STIM2: variants seen among roughly 807,000 people sequenced by gnomAD.
STIM2 encodes the protein stromal interaction molecule 2.
Under a neutral mutation model 85.8 loss-of-function variants are expected in STIM2, and 31 were observed. That is an observed-to-expected ratio of 0.36 (90% CI 0.27 to 0.49). The LOEUF is 0.49. Ranked by LOEUF, STIM2 falls within the 20% of genes least tolerant of loss-of-function variation. The pLI is 0.98. For missense variants in STIM2, 841 were observed against 927.6 expected (o/e 0.91, Z 1.21); for synonymous variants, 356 against 331.1 (o/e 1.08, Z -0.82).
chr4:26,870,485 T>G (rs1453382580), intron 1 of STIM2, among the ~76,000 whole-genome samples: 3 of 152,348 alleles, frequency 2.0e-5, no homozygotes, highest in East Asian at 1.9e-4. Context: ...AAGTTTTTGT[T>G]ATACATTTGC....
At chr4:26,933,486 C>T (rs900534640) in intron 2 of STIM2, among the ~76,000 whole-genome samples, 2 of 152,066 alleles carry the variant, frequency 1.3e-5, no homozygotes, top group Admixed American at 1.3e-4. Context: ...ATTAGCATTT[C>T]TGATAGCAGC....
At chr4:26,931,849 A>C (rs1316496920) in intron 2 of STIM2, among the ~76,000 whole-genome samples, 2 of 152,252 alleles carry the variant, frequency 1.3e-5, no homozygotes, top group Non-Finnish European at 2.9e-5. Context: ...TTTCTGGAAA[A>C]TAATGGCAAT....
At chr4:26,930,693 A>G (rs895676554) in intron 2 of STIM2, among the ~76,000 whole-genome samples, 2 of 152,160 alleles carry the variant, frequency 1.3e-5, no homozygotes, top group African/African-American at 4.8e-5. Context: ...AATAGGCAAA[A>G]TTAGGATTAG....
At chr4:26,931,221 T>A (rs1725194732) in intron 2 of STIM2, among the ~76,000 whole-genome samples, 1 of 152,148 alleles carries the variant, frequency 6.6e-6, no homozygotes. Flanking sequence ...AATGTGGACG[T>A]CATAATCTTT....
chr4:26,996,433 A>G (rs76600409), intron 4 of STIM2, among the ~76,000 whole-genome samples: 2 of 152,162 alleles, frequency 1.3e-5, no homozygotes, highest in Non-Finnish European at 2.9e-5. Flanking sequence ...GTAATGAAAT[A>G]TATACATTGT....
chr4:26,976,213 G>C (rs1727186000), intron 3 of STIM2, among the ~76,000 whole-genome samples: 2 of 151,928 alleles, frequency 1.3e-5, no homozygotes, highest in Admixed American at 6.6e-5. Flanking sequence ...CGGGTGATGC[G>C]ATGCCCTGCC....
intron 10 of STIM2, among the ~76,000 whole-genome samples, chr4:27,015,287 C>A (rs766678933): frequency 6.6e-6 from 1 of 151,992 alleles, no homozygotes; most frequent in African/African-American, 2.4e-5. Context: ...ACTGCTCTCG[C>A]ATCTTAAATT....
At chr4:26,942,804 T>C (rs753561550) in intron 2 of STIM2, among the ~76,000 whole-genome samples, 2 of 152,172 alleles carry the variant, frequency 1.3e-5, no homozygotes, top group Non-Finnish European at 2.9e-5. Flanking sequence ...AGTCTGTACA[T>C]TGCTTTGCTT....
intron 1 of STIM2, among the ~76,000 whole-genome samples, chr4:26,912,617 A>T (rs1164333586): frequency 6.6e-6 from 1 of 152,104 alleles, no homozygotes; most frequent in African/African-American, 2.4e-5. Flanking sequence ...TTTACCTAGG[A>T]TGACTTTTAG....
intron 1 of STIM2, among the ~76,000 whole-genome samples, chr4:26,865,544 A>T (rs147477190): frequency 6.6e-6 from 1 of 152,302 alleles, no homozygotes; most frequent in Admixed American, 6.5e-5. Context: ...GATTTTTGAT[A>T]GTGGCCTAAT....
chr4:26,897,114 G>A (rs572338979), intron 1 of STIM2, among the ~76,000 whole-genome samples: 2 of 152,250 alleles, frequency 1.3e-5, no homozygotes, highest in Admixed American at 1.3e-4. Flanking sequence ...AAGTCCATTT[G>A]AGTTGTTTTC....
At chr4:26,885,859 A>ATATATGTATATATATATATATATATATG (rs1553845028) in intron 1 of STIM2, among the ~76,000 whole-genome samples, 8 of 89,432 alleles carry the variant, frequency 8.9e-5, no homozygotes, top group East Asian at 8.9e-4. Flanking sequence ...ATATATATAT[A>ATATATGTATATATATATATATATATATG]TATATATATA....
chr4:26,957,854 T>C lies in STIM2; in HGVS notation c.397+128T>C, dbSNP rs989882887. ...TAACATTTCTGTGAGGATATTTATA[T>C]TTTAGTAAATAATTTTCCCTTCTTG... On this transcript the variant is annotated intron_variant, in intron 3 of 11. Transcript: ENST00000467087. 7 of 580,472 alleles carry C rather than the reference T, an allele frequency of 1.2e-5. No homozygotes were observed. In the Admixed American group the frequency reaches 2.7e-4, roughly 23 times the overall value. 36.0% of individuals were successfully genotyped at this position (580,472 alleles called of 1,614,324 possible). A position where few individuals can be genotyped will look rare whatever the true frequency, so the allele number is the denominator to read the frequency against.
chr4:27,002,323 T>C lies in STIM2; in HGVS notation c.732T>C (p.His244=). The C allele has an allele frequency of 6.2e-7, 1 of 1,613,462 alleles. No homozygotes were observed. The highest frequency in any genetic ancestry group is 8.5e-7 in the Non-Finnish European group (1 of 1,179,778). Residue 244 remains histidine, a synonymous_variant, in exon 6 of 12, where the codon CAT becomes CAC. Coordinates refer to ENST00000467087, the MANE Select transcript of STIM2 (RefSeq NM_020860.4). ...CGCAGAATAAGACATCAAAAGAACATGTTGCAAAAATGATGAAAGATTTAG... is the reference window on the plus strand; with the variant it reads ...CGCAGAATAAGACATCAAAAGAACACGTTGCAAAAATGATGAAAGATTTAG...
intron 1 of STIM2, among the ~76,000 whole-genome samples, chr4:26,894,544 T>TC (rs1390347306): frequency 4.6e-5 from 7 of 152,192 alleles, no homozygotes; most frequent in Non-Finnish European, 1.0e-4. Flanking sequence ...CACCATTTTT[T>TC]TTTTTTTAAC....
intron 3 of STIM2, among the ~76,000 whole-genome samples, chr4:26,990,278 A>G (rs1727719904): frequency 6.6e-6 from 1 of 152,176 alleles, no homozygotes; most frequent in Non-Finnish European, 1.5e-5. Flanking sequence ...ACGAAACAGA[A>G]TAGAGAACCC....
chr4:26,869,317 A>G (rs2109027521), intron 1 of STIM2, among the ~76,000 whole-genome samples: 1 of 151,824 alleles, frequency 6.6e-6, no homozygotes, highest in Non-Finnish European at 1.5e-5. Flanking sequence ...AAAAAAAAAA[A>G]AAAGGAAGAA....
At chr4:26,950,440 A>G (rs1726005482) in intron 2 of STIM2, among the ~76,000 whole-genome samples, 1 of 152,104 alleles carries the variant, frequency 6.6e-6, no homozygotes, top group Admixed American at 6.6e-5. Flanking sequence ...CCCAAAATTT[A>G]TGTGTTGGAA....
At chr4:26,965,767 C>G (rs1577467545) in intron 3 of STIM2, among the ~76,000 whole-genome samples, 2 of 151,990 alleles carry the variant, frequency 1.3e-5, no homozygotes, top group South Asian at 4.1e-4. Context: ...GTGGAAGATA[C>G]TTTGAGACAA....
Sources: gnomAD v4.1 joint callset for allele counts (sites outside exome capture counted in the v4.1 genomes callset) on GRCh38, gnomAD v4.1.1 for gene constraint, MANE v1.5 for transcripts, NCBI Gene and HGNC (gene_info 2026-07-23, HGNC 2026-07-21) for gene names.